The following PIEZO2 variants were observed in gnomAD, a reference collection of about 807,000 sequenced individuals.
PIEZO2 encodes the protein piezo-type mechanosensitive ion channel component 2.
In PIEZO2, 172 loss-of-function variants were observed where a neutral mutation model predicts 337.3. The ratio of observed to expected loss-of-function variants is 0.51; its 90% CI spans 0.45 to 0.58. PIEZO2 has a LOEUF of 0.58. Ranked by LOEUF, PIEZO2 falls within the 20% of genes least tolerant of loss-of-function variation. PIEZO2 has a pLI of 0.00. For missense variants in PIEZO2, 3,028 were observed against 3,391.3 expected (o/e 0.89, Z 2.66); for synonymous variants, 1,251 against 1,228.5 (o/e 1.02, Z -0.38).
intron 35 of PIEZO2, among the ~76,000 whole-genome samples, chr18:10,733,528 C>A (rs2036872334): frequency 6.6e-6 from 1 of 150,888 alleles, no homozygotes; most frequent in African/African-American, 2.4e-5. Context: ...CCGCTCACTG[C>A]AAGCTCCGCC....
At position 10,715,792 on chromosome 18, in the gene PIEZO2, T is replaced by G. The variant is rs1416800002; in HGVS notation, c.5114A>C (p.Asn1705Thr). 6.5e-7 allele frequency: 1 copy of G among 1,531,386 alleles called. No individual in the cohort carries two copies. The highest frequency in any genetic ancestry group is 2.0e-5 in the Admixed American group (1 of 50,700). 94.9% of individuals were successfully genotyped at this position (1,531,386 alleles called of 1,614,324 possible). Residue 1705 changes from asparagine to threonine, a missense_variant, in exon 38 of 56, where the codon AAT (asparagine) becomes ACT (threonine). This residue lies in a region of PIEZO2 where 1,925 missense variants were observed against 2,051.9 expected (regional missense o/e 0.94). Transcript: ENST00000674853. ...GPDNIIKRIF[N>T]ILKFTWVLFL... ...TAGGACCCAGGTAAATTTCAAAATA[T>G]TAAATATCCTCTTGATGATATTATC...
At position 10,704,634 on chromosome 18, in the gene PIEZO2, C is replaced by T; in HGVS notation, c.6018G>A (p.Glu2006=). Residue 2006 remains glutamate, a synonymous_variant, in exon 42 of 56, where the codon GAG becomes GAA. Coordinates refer to ENST00000674853, the MANE Select transcript of PIEZO2 (RefSeq NM_001378183.1). ...CGTAGAATTTCTCTGACTCTTCAAG[C>T]TCATCGTCGTGAAACATCCTGTTAA... The part of the protein sequence containing the change: ...LLLKKMFHDD[E]LEESEKFYVG... 6.5e-7 allele frequency: 1 copy of T among 1,536,746 alleles called. No homozygotes were observed. Among genetic ancestry groups the T allele is most frequent in the Non-Finnish European group, 8.7e-7 (1 of 1,146,452 alleles).
intron 2 of PIEZO2, among the ~76,000 whole-genome samples, chr18:11,045,717 G>A (rs113504640): frequency 0.014 from 2,183 of 152,262 alleles, 62 homozygotes; most frequent in African/African-American, 0.05. Flanking sequence ...TGGGATTACA[G>A]ATACATTTTA....
At chr18:10,802,487 T>A (rs192183155) in intron 9 of PIEZO2, among the ~76,000 whole-genome samples, 3 of 152,220 alleles carry the variant, frequency 2.0e-5, no homozygotes, top group African/African-American at 7.2e-5. Context: ...TAAATAGTTA[T>A]TTTTTAAAAC....
intron 7 of PIEZO2, among the ~76,000 whole-genome samples, chr18:10,823,213 G>GT (rs77907466): frequency 0.13 from 19,972 of 152,112 alleles, 1,425 homozygotes; most frequent in Admixed American, 0.21. Flanking sequence ...TTTTATTTAT[G>GT]TATTAACATT....
intron 36 of PIEZO2, chr18:10,725,582 G>T (rs2036501375): frequency 1.5e-6 from 2 of 1,357,116 alleles, no homozygotes; most frequent in African/African-American, 1.5e-5. Flanking sequence ...TCCTGAGGTC[G>T]GGGCTTTCCC....
chr18:10,748,253 C>T lies in PIEZO2; in HGVS notation c.4424+218G>A, dbSNP rs959803165. Among the ~76,000 whole-genome samples, 11 of 152,152 alleles carry T rather than the reference C, an allele frequency of 7.2e-5. No homozygotes were observed. Among genetic ancestry groups the T allele is most frequent in the African/African-American group, 2.2e-4 (9 of 41,434 alleles). On this transcript the variant is annotated intron_variant, in intron 30 of 55. Transcript: ENST00000674853. The surrounding 1 kb of genome is among the most constrained non-coding windows in gnomAD (Gnocchi z 5.1). ...CCAGTGAACCTCTGGCCTTCCATGG[C>T]ACCCCCATTCCTTGAGAAGTCTGAT...
intron 1 of PIEZO2, among the ~76,000 whole-genome samples, chr18:11,141,669 G>A (rs2040651316): frequency 1.3e-5 from 2 of 152,202 alleles, no homozygotes; most frequent in Non-Finnish European, 2.9e-5. Context: ...CAGACGAACG[G>A]CTTGTTCACT....
chr18:10,865,134 G>A (rs2041972450), intron 5 of PIEZO2, among the ~76,000 whole-genome samples: 1 of 152,210 alleles, frequency 6.6e-6, no homozygotes, highest in Non-Finnish European at 1.5e-5. Flanking sequence ...CTACAGCACA[G>A]TGAGGGAGTG....
chr18:11,034,319 G>C (rs1437428013), intron 2 of PIEZO2, among the ~76,000 whole-genome samples: 2 of 149,352 alleles, frequency 1.3e-5, no homozygotes, highest in African/African-American at 4.9e-5. Context: ...TCTTTTTGGC[G>C]GCGTCTAGCT....
At chr18:10,800,647 CTCTCCAACTCTAG>C (rs1374954757) in intron 10 of PIEZO2, among the ~76,000 whole-genome samples, 172 bp from the exon 11 acceptor site, 1 of 152,232 alleles carries the variant, frequency 6.6e-6, no homozygotes, top group Non-Finnish European at 1.5e-5. Flanking sequence ...TGTACATTCC[CTCTCCAACTCTAG>C]TCTCCACAGA....
chr18:11,083,750 C>T lies in PIEZO2; in HGVS notation c.65-17528G>A, dbSNP rs1468870942. Among the ~76,000 whole-genome samples the T allele has an allele frequency of 3.3e-5, 5 of 152,110 alleles. No homozygotes were observed. The East Asian group carries it at 7.7e-4, about 23-fold the overall frequency. On this transcript the variant is annotated intron_variant, in intron 1 of 55. Coordinates refer to ENST00000674853, the MANE Select transcript of PIEZO2 (RefSeq NM_001378183.1). The surrounding 1 kb of genome is among the most constrained non-coding windows in gnomAD (Gnocchi z 4.4). ...ATTGTCCTGAGATCGGTAGGCTCTC[C>T]GAGGCTAGAGGCACAACTAAGGTTC...
At chr18:11,043,202 T>C (rs2037183193) in intron 2 of PIEZO2, among the ~76,000 whole-genome samples, 1 of 151,300 alleles carries the variant, frequency 6.6e-6, no homozygotes, top group African/African-American at 2.4e-5. Context: ...GCCAAGCAAA[T>C]GGTGATTTGA....
chr18:10,791,086 C>T, intron 14 of PIEZO2, 115 bp downstream of exon 14: 5 of 1,179,378 alleles, frequency 4.2e-6, no homozygotes, highest in Non-Finnish European at 5.7e-6. Flanking sequence ...ACTTATTGCT[C>T]CAAGTTTACA....
rs917882997 is a variant in PIEZO2, at chr18:10,979,184, T to A, written c.286+351A>T. Among the ~76,000 whole-genome samples, 5 of 151,328 alleles carry A rather than the reference T, an allele frequency of 3.3e-5. No homozygotes were observed. The highest frequency in any genetic ancestry group is 1.2e-4 in the African/African-American group (5 of 40,764). On this transcript the variant is annotated intron_variant, in intron 3 of 55. Coordinates refer to ENST00000674853, the MANE Select transcript of PIEZO2 (RefSeq NM_001378183.1). This position sits in a 1 kb window ranked among gnomAD's most constrained non-coding sequence, Gnocchi z 4.0. ...CAACTTTTATATTCTATTCATCATG[T>A]TAGAAATTGTACCTTTTTTTTTTTT...
rs2039446028 is a variant in PIEZO2 at position 11,102,413 on chromosome 18, C to A, written c.65-36191G>T. 6.6e-6 allele frequency among the ~76,000 whole-genome samples: 1 copy of A among 152,170 alleles called. No individual in the cohort carries two copies. The highest frequency in any genetic ancestry group is 1.5e-5 in the Non-Finnish European group (1 of 68,042). ...GGTCTCCTCCTGTCAGTGGGCAAAA[C>A]CCTGATCTGATTGAAGATCGAATCT... On this transcript the variant is annotated intron_variant, in intron 1 of 55. Transcript: ENST00000674853. This position sits in a 1 kb window ranked among gnomAD's most constrained non-coding sequence, Gnocchi z 5.7.
rs896078808 is a variant in PIEZO2 at position 11,109,033 on chromosome 18, C to T, written c.64+39492G>A. Among the ~76,000 whole-genome samples the T allele has an allele frequency of 2.6e-5, 4 of 152,184 alleles. No homozygotes were observed. Among genetic ancestry groups the T allele is most frequent in the African/African-American group, 9.7e-5 (4 of 41,444 alleles). ...AGCACCAAGGTGGGGGCGAACCCAG[C>T]CCACCAACAACTGCAGCTGCCAGAG... On this transcript the variant is annotated intron_variant, in intron 1 of 55. Coordinates refer to ENST00000674853, the MANE Select transcript of PIEZO2 (RefSeq NM_001378183.1). The surrounding 1 kb of genome is among the most constrained non-coding windows in gnomAD (Gnocchi z 5.1).
In PIEZO2 at chr18:10,713,083, T is replaced by A. The variant is rs964874305; in HGVS notation, c.5423+1681A>T. 6.6e-6 allele frequency among the ~76,000 whole-genome samples: 1 copy of A among 152,226 alleles called. No individual in the cohort carries two copies. The highest frequency in any genetic ancestry group is 1.5e-5 in the Non-Finnish European group (1 of 68,042). On this transcript the variant is annotated intron_variant, in intron 39 of 55. Coordinates refer to ENST00000674853, the MANE Select transcript of PIEZO2 (RefSeq NM_001378183.1). This position sits in a 1 kb window ranked among gnomAD's most constrained non-coding sequence, Gnocchi z 4.5. ...AGGGATACACCCATGCACAGTGTTA[T>A]CTGCACGAATATTACTTCTAAATCA...
rs553596969 is a variant in PIEZO2 at position 10,881,117 on chromosome 18, T to C, written c.330-9702A>G. Among the ~76,000 whole-genome samples the C allele has an allele frequency of 1.9e-4, 29 of 151,940 alleles. No individual in the cohort carries two copies. In the South Asian group the frequency reaches 3.8e-3, roughly 20 times the overall value. On this transcript the variant is annotated intron_variant, in intron 4 of 55. Transcript: ENST00000674853. Reference sequence around the variant, plus strand: ...TTAGAGAAAACAAACAGTTAGCTTGTTTCTGTGAAATTAGGTACCTTTTTT... The same window carrying C: ...TTAGAGAAAACAAACAGTTAGCTTGCTTCTGTGAAATTAGGTACCTTTTTT...
Sources: gnomAD v4.1 joint callset for allele counts (sites outside exome capture counted in the v4.1 genomes callset) on GRCh38, gnomAD v4.1.1 for gene constraint, gnomAD v4.1.1 regional missense constraint, Gnocchi (gnomAD v3.1) non-coding constraint, MANE v1.5 for transcripts, NCBI Gene and HGNC (gene_info 2026-07-23, HGNC 2026-07-21) for gene names.